Variants in RBFOX1 observed in about 807,000 individuals in gnomAD.
RBFOX1 encodes the protein RNA binding protein fox-1 homolog 1.
Under a neutral mutation model 57.7 loss-of-function variants are expected in RBFOX1, and 8 were observed. The observed-to-expected ratio is 0.14, with a 90% CI of 0.08 to 0.25. The LOEUF (loss-of-function observed/expected upper bound fraction) is 0.25, where lower values mean the gene tolerates loss of function less well. Among genes scored for constraint, RBFOX1 ranks in the 10% least tolerant of loss-of-function variants. The pLI is 1.00. For missense variants in RBFOX1, 611 were observed against 548.5 expected (o/e 1.11, Z -1.14); for synonymous variants, 326 against 222.4 (o/e 1.47, Z -4.15).
chr16:5,344,371 A>T (rs1189059898), intron 1 of RBFOX1, among the ~76,000 whole-genome samples: 1 of 152,160 alleles, frequency 6.6e-6, no homozygotes, highest in Non-Finnish European at 1.5e-5. Context: ...TGCTTTAAAA[A>T]CAACCTGATT....
intron 2 of RBFOX1, among the ~76,000 whole-genome samples, chr16:6,583,243 A>C (rs913399003): frequency 6.6e-5 from 10 of 152,174 alleles, no homozygotes; most frequent in Non-Finnish European, 1.3e-4. Flanking sequence ...TCCGGGGCAC[A>C]TGGCACTCAT....
chr16:6,875,473 A>AT (rs1453645721), intron 3 of RBFOX1, among the ~76,000 whole-genome samples: 1 of 152,044 alleles, frequency 6.6e-6, no homozygotes, highest in Admixed American at 6.6e-5. Flanking sequence ...GAGTCTTCGA[A>AT]TTTTTTGAAT....
chr16:6,996,524 C>G (rs1431257757), intron 3 of RBFOX1, among the ~76,000 whole-genome samples: 1 of 152,166 alleles, frequency 6.6e-6, no homozygotes, highest in African/African-American at 2.4e-5. Flanking sequence ...GTAGGGCTTG[C>G]ATACATTGTA....
chr16:6,579,710 T>A (rs1245899135), intron 2 of RBFOX1, among the ~76,000 whole-genome samples: 1 of 152,130 alleles, frequency 6.6e-6, no homozygotes, highest in Non-Finnish European at 1.5e-5. Context: ...CTCAGGTATA[T>A]CTTTAGTAGC....
At chr16:6,542,483 C>CTTTTTGTTTTTTT (rs2096835148) in intron 2 of RBFOX1, among the ~76,000 whole-genome samples, 1 of 55,720 alleles carries the variant, frequency 1.8e-5, no homozygotes, top group African/African-American at 7.6e-5. Flanking sequence ...GGACCATAGT[C>CTTTTTGTTTTTTT]TTTTTTTTTT....
intron 2 of RBFOX1, among the ~76,000 whole-genome samples, chr16:6,456,448 A>G (rs73540058): frequency 2.3e-3 from 357 of 152,300 alleles, no homozygotes; most frequent in African/African-American, 8.0e-3. Context: ...GGCTGCGATT[A>G]TTCAAGTTTA....
rs970835425 is a variant in RBFOX1, at chr16:6,425,660, G to A, written c.-64+108603G>A. On this transcript the variant is annotated intron_variant, in intron 2 of 15. Coordinates refer to ENST00000550418, the MANE Select transcript of RBFOX1 (RefSeq NM_018723.4). ...GAAAACAGTTTGATGGACTTTGTAG[G>A]CATTTCTGTGGGGAAGATTTGTATT... is the stretch of plus-strand genomic sequence containing the variant. Among the ~76,000 whole-genome samples the A allele has an allele frequency of 4.6e-5, 7 of 152,196 alleles. No individual in the cohort carries two copies. In the East Asian group the frequency reaches 1.2e-3, roughly 25 times the overall value.
intron 4 of RBFOX1, among the ~76,000 whole-genome samples, chr16:5,994,635 G>T (rs548540643): frequency 1.3e-5 from 2 of 152,182 alleles, no homozygotes; most frequent in African/African-American, 2.4e-5. Context: ...ACTCAACTCT[G>T]CTCTGCAGTG....
At chr16:6,313,441 T>C (rs114023905) in intron 1 of RBFOX1, among the ~76,000 whole-genome samples, 28 of 152,264 alleles carry the variant, frequency 1.8e-4, no homozygotes, top group African/African-American at 6.3e-4. Context: ...TATGAAGCAG[T>C]TCATGGCAGA....
Position 5,271,609 on chromosome 16 carries a change from C to G in RBFOX1, c.219+31504C>G, listed in dbSNP as rs28591303. ...ATTGTGCTGAACATCATCTCTTACT[C>G]TCACAGCAACGTCCTTAGAAGGTCG... is the stretch of plus-strand genomic sequence containing the variant. On this transcript the variant is annotated intron_variant, in intron 1 of 2. Transcript: ENST00000585867. Among the ~76,000 whole-genome samples, 187 of 152,384 alleles carry G rather than the reference C, an allele frequency of 1.2e-3. 1 individual carries two copies. The highest frequency in any genetic ancestry group is 4.3e-3 in the African/African-American group (179 of 41,602).
downstream of RBFOX1, among the ~76,000 whole-genome samples, chr16:5,600,346 C>T (rs996968284): frequency 4.6e-5 from 7 of 151,412 alleles, no homozygotes; most frequent in East Asian, 2.0e-4. Flanking sequence ...ATTAGCTGAG[C>T]GTGGTGTTGT....
intron 3 of RBFOX1, among the ~76,000 whole-genome samples, chr16:7,051,181 T>C (rs1469141229): frequency 1.3e-5 from 2 of 152,210 alleles, no homozygotes; most frequent in Non-Finnish European, 2.9e-5. Context: ...AAATTTTATT[T>C]CAGCTTAACT....
chr16:5,558,412 G>T (rs4271592), intron 2 of RBFOX1, among the ~76,000 whole-genome samples: 1 of 151,730 alleles, frequency 6.6e-6, no homozygotes, highest in Non-Finnish European at 1.5e-5. Context: ...CCCCTTAGAG[G>T]TCTGAGCATC....
At chr16:6,404,086 T>C (rs2093183713) in intron 2 of RBFOX1, among the ~76,000 whole-genome samples, 1 of 152,168 alleles carries the variant, frequency 6.6e-6, no homozygotes, top group Admixed American at 6.5e-5. Context: ...TCCATGTCCA[T>C]GGACTCGGCA....
intron 4 of RBFOX1, among the ~76,000 whole-genome samples, chr16:7,302,692 G>A (rs559207108): frequency 1.3e-5 from 2 of 148,356 alleles, no homozygotes; most frequent in African/African-American, 4.9e-5. Flanking sequence ...AAAAAATATG[G>A]CTACTCTTCC....
intron 10 of RBFOX1, chr16:7,615,139 C>T (rs939244242): frequency 6.6e-6 from 1 of 152,206 alleles, no homozygotes; most frequent in African/African-American, 2.4e-5. Flanking sequence ...TGAGACCATC[C>T]TGGCTAATAC....
intron 3 of RBFOX1, among the ~76,000 whole-genome samples, chr16:6,862,775 A>G (rs1182736884): frequency 6.6e-6 from 1 of 152,156 alleles, no homozygotes; most frequent in Non-Finnish European, 1.5e-5. Flanking sequence ...ACCTGAGGTC[A>G]GGAGTTGAAG....
chr16:7,232,274 T>G (rs1214833945), intron 4 of RBFOX1, among the ~76,000 whole-genome samples: 1 of 152,118 alleles, frequency 6.6e-6, no homozygotes, highest in South Asian at 2.1e-4. Context: ...CTTTAAATGG[T>G]TAACAACCAC....
chr16:5,462,691 C>G (rs374329295), intron 1 of RBFOX1, among the ~76,000 whole-genome samples: 1 of 152,238 alleles, frequency 6.6e-6, no homozygotes, highest in South Asian at 2.1e-4. Context: ...TGGAATTCTA[C>G]GCACCTGTTA....
Sources: gnomAD v4.1 joint callset for allele counts (sites outside exome capture counted in the v4.1 genomes callset) on GRCh38, gnomAD v4.1.1 for gene constraint, MANE v1.5 for transcripts, NCBI Gene and HGNC (gene_info 2026-07-23, HGNC 2026-07-21) for gene names.